Variants in GCN1 observed in about 807,000 individuals in gnomAD.
GCN1 encodes GCN1 activator of EIF2AK4.
Under a neutral mutation model 288.4 loss-of-function variants are expected in GCN1, and 90 were observed. The ratio of observed to expected loss-of-function variants is 0.31; its 90% confidence interval spans 0.26 to 0.37. The LOEUF is 0.37. Ranked by LOEUF, GCN1 falls within the 10% of genes least tolerant of loss-of-function variation. GCN1 has a pLI of 1.00. For synonymous variants in GCN1, 1,386 were observed against 1,420.2 expected (o/e 0.98, Z 0.54); for missense variants, 2,586 against 3,419.9 (o/e 0.76, Z 6.08).
chr12:120,150,683 A>T (rs1877515185), intron 34 of GCN1, among the ~76,000 whole-genome samples: 1 of 151,892 alleles, frequency 6.6e-6, no homozygotes, highest in Non-Finnish European at 1.5e-5. Context: ...CATGCCTGTA[A>T]TCCCAGCACT....
chr12:120,130,621 A>C, intron 56 of GCN1, 25 bp downstream of exon 56: 1 of 1,502,244 alleles, frequency 6.7e-7, no homozygotes, highest in South Asian at 1.1e-5. Context: ...GTTAGGGCTT[A>C]AACACATGCT....
chr12:120,160,203 T>G lies in GCN1; in HGVS notation c.2489A>C (p.Gln830Pro). 6.2e-7 allele frequency: 1 copy of G among 1,612,430 alleles called. No individual in the cohort carries two copies. Among genetic ancestry groups the G allele is most frequent in the Non-Finnish European group, 8.5e-7 (1 of 1,180,000 alleles). ...TAGCTGGGCCTGCAGCATCTCCTTCTGCTTGCTGGTCAGCTGCACCTCCTC... is the reference window on the plus strand; with the variant it reads ...TAGCTGGGCCTGCAGCATCTCCTTCGGCTTGCTGGTCAGCTGCACCTCCTC... ...IKEEVQLTSK[Q>P]KEMLQAQLDR... Residue 830 changes from glutamine (Q) to proline (P), a missense_variant, in exon 23 of 58, where the codon CAG becomes CCG. This residue lies in a region of GCN1 where 913 missense variants were observed against 1,107.0 expected (regional missense o/e 0.82). Coordinates refer to ENST00000300648, the MANE Select transcript of GCN1 (RefSeq NM_006836.2).
chr12:120,148,425 A>G, intron 36 of GCN1, 79 bp from the exon 37 acceptor site: 1 of 1,185,776 alleles, frequency 8.4e-7, no homozygotes, highest in Non-Finnish European at 1.2e-6. Flanking sequence ...TACATGAGCA[A>G]GGGACATCTA....
rs538853364 is a variant in GCN1, at chr12:120,128,324, T to C, written c.7891-350A>G. Among the ~76,000 whole-genome samples, 14 of 150,224 alleles carry C rather than the reference T, an allele frequency of 9.3e-5. No individual in the cohort carries two copies. In the South Asian group the frequency reaches 2.9e-3, roughly 32 times the overall value. Reference sequence around the variant, plus strand: ...TTTTCATGAGACGAGGCAGTGGGAGTTGCAGCTTTTGGGCTTTTTTTTTTT... The same window carrying C: ...TTTTCATGAGACGAGGCAGTGGGAGCTGCAGCTTTTGGGCTTTTTTTTTTT... On this transcript the variant is annotated intron_variant, in intron 57 of 57. Coordinates refer to ENST00000300648, the MANE Select transcript of GCN1 (RefSeq NM_006836.2).
chr12:120,147,684 T>G (rs2139098191), intron 37 of GCN1, among the ~76,000 whole-genome samples: 1 of 152,352 alleles, frequency 6.6e-6, no homozygotes, highest in East Asian at 1.9e-4. Context: ...TTATTCCACT[T>G]TCCAGACTGA....
intron 36 of GCN1, 82 bp from the exon 37 acceptor site, chr12:120,148,428 G>T: frequency 8.6e-7 from 1 of 1,167,828 alleles, no homozygotes; most frequent in Non-Finnish European, 1.2e-6. Flanking sequence ...ATGAGCAAGG[G>T]ACATCTACCC....
At chr12:120,148,598 G>T (rs1877435297) in intron 36 of GCN1, among the ~76,000 whole-genome samples, 1 of 152,132 alleles carries the variant, frequency 6.6e-6, no homozygotes, top group Non-Finnish European at 1.5e-5. Context: ...GGTAAGACCT[G>T]GTTTAATCCT....
In GCN1 at chr12:120,165,002, T is replaced by TACACACACAC. The variant is rs55710290; in HGVS notation, c.1613-291_1613-282dup. Reference sequence around the variant, plus strand: ...ATACATATACATATATACACATATATACACACACACACACACACACACACA... The same window carrying TACACACACAC: ...ATACATATACATATATACACATATATACACACACACACACACACACACACACACACACACA... On this transcript the variant is annotated intron_variant, in intron 16 of 57. Transcript: ENST00000300648. Among the ~76,000 whole-genome samples, 1,313 of 136,806 alleles carry TACACACACAC rather than the reference T, an allele frequency of 9.6e-3. 16 individuals are homozygous for TACACACACAC. The highest frequency in any genetic ancestry group is 0.044 in the East Asian group (203 of 4,634). The allele number at this position is 136,806 out of a possible 152,430, so 89.8% of individuals were successfully genotyped here. A position where few individuals can be genotyped will look rare whatever the true frequency, so the allele number is the denominator to read the frequency against.
chr12:120,178,599 C>T (rs999476976), intron 7 of GCN1, 26 bp downstream of exon 7: 1 of 1,613,708 alleles, frequency 6.2e-7, no homozygotes. Context: ...ATAGCAAACC[C>T]ACAGTCACTC....
In GCN1 at chr12:120,168,800, T is replaced by C. The variant is rs150546272; in HGVS notation, c.1520-500A>G. Among the ~76,000 whole-genome samples the C allele has an allele frequency of 3.9e-5, 6 of 152,258 alleles. No homozygotes were observed. The East Asian group carries it at 1.2e-3, about 29-fold the overall frequency. ...TTGTCTTAAGCTACGGATATATTTC[T>C]GTATTTCCTCGCGCCTACTGTGAAG... On this transcript the variant is annotated intron_variant, in intron 15 of 57. Transcript: ENST00000300648.
Position 120,156,491 on chromosome 12 carries a change from C to A in GCN1, c.3282G>T (p.Pro1094=). 6.2e-7 allele frequency: 1 copy of A among 1,614,030 alleles called. No individual in the cohort carries two copies. Among genetic ancestry groups the A allele is most frequent in the Non-Finnish European group, 8.5e-7 (1 of 1,179,982 alleles). The change falls in exon 28 of 58, where the codon CCG becomes CCT. Residue 1094 remains proline (P), a synonymous_variant. Coordinates refer to ENST00000300648, the MANE Select transcript of GCN1 (RefSeq NM_006836.2). The surrounding 1 kb of genome is among the most constrained non-coding windows in gnomAD (Gnocchi z 5.8). ...GCACGGTTTCCCGCACGCTGGCACA[C>A]GGGGACTGCAAGGCACAGAGCAGCA... ...VDVLLCALQS[P]CASVRETVLR... is the part of the protein sequence containing the mutation.
intron 8 of GCN1, 27 bp downstream of exon 8, chr12:120,177,657 G>C (rs761774422): frequency 1.3e-6 from 2 of 1,589,690 alleles, no homozygotes; most frequent in South Asian, 1.1e-5. Context: ...CAGTTGTCCA[G>C]GTGAGTAACG....
chr12:120,166,084 G>A (rs111978431), intron 16 of GCN1, among the ~76,000 whole-genome samples: 240 of 150,310 alleles, frequency 1.6e-3, no homozygotes, highest in African/African-American at 5.4e-3. Context: ...CACCGTGTCC[G>A]GCCCCAGCCT....
rs1308504514 is a variant in GCN1 at position 120,162,241 on chromosome 12, C to A, written c.2164-183G>T. ...TCTGCTTTCCTCACCAAGCAGTGCTCCTCTGTCTGACACAGCACCTGACGT... is the reference window on the plus strand; with the variant it reads ...TCTGCTTTCCTCACCAAGCAGTGCTACTCTGTCTGACACAGCACCTGACGT... On this transcript the variant is annotated intron_variant, in intron 20 of 57. Transcript: ENST00000300648. The A allele has an allele frequency of 6.7e-6, 4 of 598,996 alleles. No individual in the cohort carries two copies. In the East Asian group the frequency reaches 8.3e-5, roughly 12 times the overall value. The allele number at this position is 598,996 out of a possible 1,614,324, so 37.1% of individuals were successfully genotyped here.
chr12:120,190,372 C>T lies in GCN1; in HGVS notation c.47G>A (p.Gly16Glu), dbSNP rs780311234. 78 of 1,608,142 alleles carry T rather than the reference C, an allele frequency of 4.9e-5. No individual in the cohort carries two copies. Among genetic ancestry groups the T allele is most frequent in the Non-Finnish European group, 6.6e-5 (77 of 1,174,656 alleles). The change falls in exon 2 of 58, where the codon GGG (glycine) becomes GAG (glutamate). Residue 16 changes from glycine (G) to glutamate (E), a missense_variant. Gly to Glu is a moderately conservative substitution (Grantham distance 98). Around this residue, in one of 8 missense-constraint regions of GCN1, gnomAD observed 913 missense variants for 1,107.0 expected, o/e 0.82. Transcript: ENST00000300648. ...CTTTACACTGGCTGTTGTCACCTTC[C>T]CTGCAAAACGCTTTAGTGTCTCGGA... ...QVSETLKRFA[G>E]KVTTASVKER...
Position 120,153,140 on chromosome 12 carries a change from A to C in GCN1, c.4062+73T>G. On this transcript the variant is annotated intron_variant, in intron 33 of 57. Transcript: ENST00000300648. This position sits in a 1 kb window ranked among gnomAD's most constrained non-coding sequence, Gnocchi z 4.4. ...CTGATTGTCCAACTCCACCCCTAGT[A>C]TCCCACCGCCTAACCACAGCCGGGT... 7.6e-7 allele frequency: 1 copy of C among 1,314,640 alleles called. No individual in the cohort carries two copies. Among genetic ancestry groups the C allele is most frequent in the Non-Finnish European group, 1.1e-6 (1 of 928,864 alleles). The allele number at this position is 1,314,640 out of a possible 1,614,324, so 81.4% of individuals were successfully genotyped here.
Position 120,159,919 on chromosome 12 carries a change from C to T in GCN1, c.2655G>A (p.Leu885=). 1 of 1,614,140 alleles carries T rather than the reference C, an allele frequency of 6.2e-7. No individual in the cohort carries two copies. Among genetic ancestry groups the T allele is most frequent in the South Asian group, 1.1e-5 (1 of 91,088 alleles). ...QYIPVLVDSF[L]PLLKSPLAAP... ...CAGCCAGGGGAGACTTCAGCAAGGGCAGAAAAGAGTCGACCAAAACAGGGA... is the reference window on the plus strand; with the variant it reads ...CAGCCAGGGGAGACTTCAGCAAGGGTAGAAAAGAGTCGACCAAAACAGGGA... Residue 885 remains leucine (L), a synonymous_variant, in exon 24 of 58, where the codon CTG becomes CTA. Coordinates refer to ENST00000300648, the MANE Select transcript of GCN1 (RefSeq NM_006836.2).
At position 120,184,853 on chromosome 12, in the gene GCN1, T is replaced by C; in HGVS notation, c.156A>G (p.Lys52=). 3 of 1,612,902 alleles carry C rather than the reference T, an allele frequency of 1.9e-6. No individual in the cohort carries two copies. The highest frequency in any genetic ancestry group is 2.5e-6 in the Non-Finnish European group (3 of 1,179,184). The change falls in exon 3 of 58, where the codon AAA becomes AAG. Residue 52 remains lysine, a synonymous_variant. Transcript: ENST00000300648. Reference sequence around the variant, plus strand: ...ATCGATGCAGAGTCAAGCAGAACAATTTGCAGAGCCCCTTCACTGCTCCCT... The same window carrying C: ...ATCGATGCAGAGTCAAGCAGAACAACTTGCAGAGCCCCTTCACTGCTCCCT... The part of the protein sequence containing the change: ...LPEGAVKGLC[K]LFCLTLHRYR...
At chr12:120,163,985 C>A (rs1021335762) in intron 18 of GCN1, among the ~76,000 whole-genome samples, 1 of 151,974 alleles carries the variant, frequency 6.6e-6, no homozygotes, top group South Asian at 2.1e-4. Flanking sequence ...AAAAAATTAG[C>A]GGCCACTGCA....
Sources: allele counts gnomAD v4.1 joint callset (sites outside exome capture counted in the v4.1 genomes callset), GRCh38; gene constraint gnomAD v4.1.1; regional missense constraint gnomAD v4.1.1; non-coding constraint Gnocchi (gnomAD v3.1); transcripts MANE v1.5; gene names NCBI Gene and HGNC (gene_info 2026-07-23, HGNC 2026-07-21).